The following CLPB variants were observed in gnomAD, a reference collection of about 807,000 sequenced individuals.
The protein encoded by CLPB is ClpB family mitochondrial disaggregase.
CLPB carries 40 observed loss-of-function variants against 78.4 expected under a neutral mutation model. The observed-to-expected ratio is 0.51, with a 90% CI of 0.40 to 0.66. The LOEUF (loss-of-function observed/expected upper bound fraction) is 0.66. Among genes scored for constraint, CLPB ranks in the 30% least tolerant of loss-of-function variants. CLPB has a pLI of 0.00. For missense variants in CLPB, 780 were observed against 886.9 expected (o/e 0.88, Z 1.53); for synonymous variants, 333 against 348.0 (o/e 0.96, Z 0.48).
At position 72,321,568 on chromosome 11, in the gene CLPB, T is replaced by C. The variant is rs1332309126; in HGVS notation, c.874-4348A>G. 2.0e-5 allele frequency among the ~76,000 whole-genome samples: 3 copies of C among 152,302 alleles called. No homozygotes were observed. The East Asian group carries it at 5.8e-4, about 29-fold the overall frequency. On this transcript the variant is annotated intron_variant, in intron 6 of 15. Coordinates refer to ENST00000538039, the MANE Select transcript of CLPB (RefSeq NM_001258392.3). ...TTTGCTTAGAGGTGGGTGGCTGGGCTGAGTGGCTCTGCGGGGGAGGGTTAC... is the reference window on the plus strand; with the variant it reads ...TTTGCTTAGAGGTGGGTGGCTGGGCCGAGTGGCTCTGCGGGGGAGGGTTAC...
At chr11:72,409,333 C>A (rs1372819885) in intron 2 of CLPB, among the ~76,000 whole-genome samples, 1 of 152,136 alleles carries the variant, frequency 6.6e-6, no homozygotes, top group Non-Finnish European at 1.5e-5. Flanking sequence ...CCTGTAATCC[C>A]AGCACTTTGA....
chr11:72,409,025 G>C (rs1855797162), intron 2 of CLPB, among the ~76,000 whole-genome samples: 1 of 152,260 alleles, frequency 6.6e-6, no homozygotes, highest in Admixed American at 6.5e-5. Context: ...TTGTGACAGA[G>C]TACGGTGTCT....
chr11:72,290,633 A>G lies in CLPB; in HGVS notation c.*2734T>C, dbSNP rs1295586480. ...GGAGAAACCTGGCACACACCACCTT[A>G]GCCATGTGATCAAAGTTACCACCAC... On this transcript the variant is annotated 3_prime_UTR_variant, in exon 16 of 16. Transcript: ENST00000538039. 1 of 152,210 alleles carries G rather than the reference A, an allele frequency of 6.6e-6. No homozygotes were observed. The highest frequency in any genetic ancestry group is 1.5e-5 in the Non-Finnish European group (1 of 68,038). 9.4% of individuals were successfully genotyped at this position (152,210 alleles called of 1,614,324 possible).
chr11:72,374,465 G>A (rs1951103083), intron 4 of CLPB, among the ~76,000 whole-genome samples: 1 of 152,170 alleles, frequency 6.6e-6, no homozygotes, highest in Non-Finnish European at 1.5e-5. Flanking sequence ...CTGAGGGCTG[G>A]AGGGAAAGCA....
At chr11:72,425,659 G>A (rs1163505847) in intron 2 of CLPB, among the ~76,000 whole-genome samples, 2 of 152,112 alleles carry the variant, frequency 1.3e-5, no homozygotes, top group Non-Finnish European at 2.9e-5. Context: ...TGTTCTCCAC[G>A]ACCAGGTCGC....
chr11:72,360,842 A>T (rs1268390740), intron 4 of CLPB, among the ~76,000 whole-genome samples: 1 of 152,202 alleles, frequency 6.6e-6, no homozygotes, highest in Non-Finnish European at 1.5e-5. Flanking sequence ...GGTAATTATT[A>T]TTCCCATTTT....
chr11:72,363,306 T>C (rs1950876926), intron 4 of CLPB: 1 of 152,122 alleles, frequency 6.6e-6, no homozygotes, highest in African/African-American at 2.4e-5. Flanking sequence ...AGTTTCTTGT[T>C]TGACAGCTGA....
Position 72,290,517 on chromosome 11 carries a change from A to C in CLPB, c.*2850T>G, listed in dbSNP as rs755960829. ...ATCATTGATGATGGAAATGAAAATC[A>C]GTAGGCAAAATTTTAAGAATAAGAC... On this transcript the variant is annotated 3_prime_UTR_variant, in exon 16 of 16. Coordinates refer to ENST00000538039, the MANE Select transcript of CLPB (RefSeq NM_001258392.3). 6.6e-6 allele frequency: 1 copy of C among 152,236 alleles called. No homozygotes were observed. Among genetic ancestry groups the C allele is most frequent in the Non-Finnish European group, 1.5e-5 (1 of 68,040 alleles). The allele number at this position is 152,236 out of a possible 1,614,324, so 9.4% of individuals were successfully genotyped here.
At chr11:72,422,881 C>T (rs1856251736) in intron 2 of CLPB, among the ~76,000 whole-genome samples, 1 of 152,196 alleles carries the variant, frequency 6.6e-6, no homozygotes, top group Non-Finnish European at 1.5e-5. Context: ...TTCTGGACAC[C>T]TCAATCCTGG....
At chr11:72,306,126 T>A (rs1949742139) in intron 9 of CLPB, among the ~76,000 whole-genome samples, 1 of 152,212 alleles carries the variant, frequency 6.6e-6, no homozygotes, top group Non-Finnish European at 1.5e-5. Flanking sequence ...GCTTGTCAAG[T>A]GGGTCTGCTC....
rs1182383386 is a variant in CLPB at position 72,295,646 on chromosome 11, G to A, written c.1332C>T (p.Gly444=). The A allele has an allele frequency of 3.1e-6, 5 of 1,613,902 alleles. No homozygotes were observed. The highest frequency in any genetic ancestry group is 4.2e-6 in the Non-Finnish European group (5 of 1,179,924). The change falls in exon 12 of 16, where the codon GGC becomes GGT. Residue 444 remains glycine (G), a splice_region_variant and synonymous_variant. Coordinates refer to ENST00000538039, the MANE Select transcript of CLPB (RefSeq NM_001258392.3). ...TCTTCCCTTTTCCATCTGTCAGCCGGCCCTGGGAAGGGAAGGAAGGGAGTG... is the reference window on the plus strand; with the variant it reads ...TCTTCCCTTTTCCATCTGTCAGCCGACCCTGGGAAGGGAAGGAAGGGAGTG... The part of the protein sequence containing the change: ...LTIMLQLFDE[G]RLTDGKGKTI...
At chr11:72,341,967 A>G (rs1214729596) in intron 5 of CLPB, among the ~76,000 whole-genome samples, 1 of 152,166 alleles carries the variant, frequency 6.6e-6, no homozygotes, top group African/African-American at 2.4e-5. Flanking sequence ...AGAGTGATGA[A>G]GCCTGAATTA....
At chr11:72,344,478 G>A (rs1314048476) in intron 5 of CLPB, among the ~76,000 whole-genome samples, 1 of 151,986 alleles carries the variant, frequency 6.6e-6, no homozygotes, top group Non-Finnish European at 1.5e-5. Flanking sequence ...TCCCAAAGTG[G>A]TGGGATTGCA....
In CLPB at chr11:72,380,355, G is replaced by A. The variant is rs1301392306; in HGVS notation, c.572C>T (p.Ala191Val). ...GAAATCATCTCCAAGGTTTGGATCA[G>A]CCCCAGCAGCAAGCAGGACCTGTAC... ...SVVQVLLAAG[A>V]DPNLGDDFSS... is the part of the protein sequence containing the mutation. The change falls in exon 4 of 16, where the codon GCT (alanine) becomes GTT (valine). Residue 191 changes from alanine to valine, a missense_variant. Physicochemically the swap from Ala to Val is moderately conservative, Grantham distance 64. This residue lies in a region of CLPB where 417 missense variants were observed against 414.7 expected (regional missense o/e 1.01). Transcript: ENST00000538039. 6.2e-7 allele frequency: 1 copy of A among 1,614,146 alleles called. No individual in the cohort carries two copies. Among genetic ancestry groups the A allele is most frequent in the South Asian group, 1.1e-5 (1 of 91,080 alleles).
intron 4 of CLPB, among the ~76,000 whole-genome samples, chr11:72,360,124 C>T (rs918155161): frequency 3.3e-5 from 5 of 152,198 alleles, no homozygotes; most frequent in African/African-American, 4.8e-5. Context: ...CTTTCTAGCC[C>T]CCATGTGAAA....
At chr11:72,378,570 A>T (rs1034006315) in intron 4 of CLPB, among the ~76,000 whole-genome samples, 2 of 152,206 alleles carry the variant, frequency 1.3e-5, no homozygotes, top group African/African-American at 4.8e-5. Flanking sequence ...ACACGTGGGA[A>T]TTCTGGGAGA....
intron 2 of CLPB, among the ~76,000 whole-genome samples, chr11:72,424,159 G>A (rs917051097): frequency 1.3e-5 from 2 of 152,300 alleles, no homozygotes; most frequent in Non-Finnish European, 1.5e-5. Flanking sequence ...GTTGTAGCAC[G>A]TATCAGTGCT....
At chr11:72,377,764 A>G (rs1339812748) in intron 4 of CLPB, among the ~76,000 whole-genome samples, 2 of 152,198 alleles carry the variant, frequency 1.3e-5, no homozygotes, top group African/African-American at 4.8e-5. Flanking sequence ...AGGAATGCGA[A>G]AAGAAAATTA....
chr11:72,404,225 TGAG>T (rs1326589431), intron 2 of CLPB, among the ~76,000 whole-genome samples: 1 of 151,982 alleles, frequency 6.6e-6, no homozygotes, highest in Non-Finnish European at 1.5e-5. Context: ...TGGATGAGGG[TGAG>T]GAGAAGACAT....
Sources: allele counts gnomAD v4.1 joint callset (sites outside exome capture counted in the v4.1 genomes callset), GRCh38; gene constraint gnomAD v4.1.1; regional missense constraint gnomAD v4.1.1; transcripts MANE v1.5; gene names NCBI Gene and HGNC (gene_info 2026-07-23, HGNC 2026-07-21).